The following DYNC2H1 variants were observed in gnomAD, a reference collection of about 807,000 sequenced individuals.
DYNC2H1 encodes the protein cytoplasmic dynein 2 heavy chain 1.
DYNC2H1 carries 410 observed loss-of-function variants against 570.0 expected under a neutral mutation model. The observed-to-expected ratio is 0.72, with a 90% CI of 0.66 to 0.78. The LOEUF is 0.78. Ranked by LOEUF, DYNC2H1 falls within the 30% of genes least tolerant of loss-of-function variation. The pLI is 0.00. For synonymous variants in DYNC2H1, 1,688 were observed against 1,677.6 expected, an observed-to-expected ratio of 1.01 and a Z score of -0.15; for missense variants, 4,865 against 5,046.4, an observed-to-expected ratio of 0.96 and a Z score of 1.09.
intron 19 of DYNC2H1, among the ~76,000 whole-genome samples, chr11:103,148,164 A>G (rs981123665): frequency 3.9e-5 from 6 of 152,168 alleles, no homozygotes; most frequent in Non-Finnish European, 7.4e-5. Flanking sequence ...ATGACAAAGT[A>G]TTTTTCAAAA....
Position 103,446,678 on chromosome 11 carries a change from G to A in DYNC2H1, c.12457-8508G>A, listed in dbSNP as rs1157694730. Among the ~76,000 whole-genome samples, 1 of 152,006 alleles carries A rather than the reference G, an allele frequency of 6.6e-6. No homozygotes were observed. Among genetic ancestry groups the A allele is most frequent in the East Asian group, 1.9e-4 (1 of 5,180 alleles). On this transcript the variant is annotated intron_variant, in intron 85 of 88. Coordinates refer to ENST00000375735, the MANE Select transcript of DYNC2H1 (RefSeq NM_001377.3). This position sits in a 1 kb window ranked among gnomAD's most constrained non-coding sequence, Gnocchi z 4.5. ...AAAGGAATTTTTTTGGTTTGGTTTT[G>A]TTTTTTAATATAGGGGATTTTTGAC...
At chr11:103,312,167 G>A in intron 79 of DYNC2H1, 134 bp downstream of exon 79, 2 of 861,142 alleles carry the variant, frequency 2.3e-6, no homozygotes, top group African/African-American at 3.5e-5. Context: ...GATCACCTGA[G>A]GTCCGGAGTT....
intron 11 of DYNC2H1, among the ~76,000 whole-genome samples, chr11:103,124,141 T>A (rs1489733724): frequency 6.6e-6 from 1 of 152,028 alleles, no homozygotes; most frequent in African/African-American, 2.4e-5. Flanking sequence ...TTCTTAATTG[T>A]GAGGGTGATT....
Position 103,264,747 on chromosome 11 carries a change from A to G in DYNC2H1, c.10695+4770A>G, listed in dbSNP as rs1865442682. Among the ~76,000 whole-genome samples, 1 of 152,192 alleles carries G rather than the reference A, an allele frequency of 6.6e-6. No individual in the cohort carries two copies. The highest frequency in any genetic ancestry group is 1.5e-5 in the Non-Finnish European group (1 of 68,028). ...ACAGCCAATGTCATACCGAATGTGAATCAATATCAGTATCATACTGAATGG... is the reference window on the plus strand; with the variant it reads ...ACAGCCAATGTCATACCGAATGTGAGTCAATATCAGTATCATACTGAATGG... On this transcript the variant is annotated intron_variant, in intron 70 of 88. Transcript: ENST00000375735. This position sits in a 1 kb window ranked among gnomAD's most constrained non-coding sequence, Gnocchi z 4.8.
chr11:103,177,604 G>A lies in DYNC2H1; in HGVS notation c.5923G>A (p.Val1975Ile), dbSNP rs368430971. 1.2e-6 allele frequency: 2 copies of A among 1,613,174 alleles called. No homozygotes were observed. The highest frequency in any genetic ancestry group is 1.3e-5 in the African/African-American group (1 of 74,878). Reference sequence around the variant, plus strand: ...TGAACAGTTATGCCAGAGGATGGGAGTTGTTATTGTTGGTCCAAGTGGTGC... The same window carrying A: ...TGAACAGTTATGCCAGAGGATGGGAATTGTTATTGTTGGTCCAAGTGGTGC... Reference protein sequence around the residue: ...LYEQLCQRMGVVIVGPSGAGK... With the variant: ...LYEQLCQRMGIVIVGPSGAGK... Residue 1975 changes from valine (V) to isoleucine (I), a missense_variant, in exon 38 of 89, where the codon GTT (valine) becomes ATT (isoleucine). Transcript: ENST00000375735. This position sits in a 1 kb window ranked among gnomAD's most constrained non-coding sequence, Gnocchi z 4.4.
intron 87 of DYNC2H1, 176 bp from the exon 88 acceptor site, chr11:103,468,413 A>G: frequency 2.2e-6 from 1 of 455,500 alleles, no homozygotes; most frequent in Non-Finnish European, 3.9e-6. Context: ...AGAAGTTGAC[A>G]GTGAACACTA....
chr11:103,392,164 G>T (rs908815700), intron 83 of DYNC2H1, among the ~76,000 whole-genome samples: 2 of 152,194 alleles, frequency 1.3e-5, no homozygotes, highest in Admixed American at 1.3e-4. Context: ...CGAGCTTCCC[G>T]GCCACTTTGT....
chr11:103,133,745 ATAT>A lies in DYNC2H1; in HGVS notation c.2106+43_2106+45del. On this transcript the variant is annotated intron_variant, in intron 14 of 88. Coordinates refer to ENST00000375735, the MANE Select transcript of DYNC2H1 (RefSeq NM_001377.3). The surrounding 1 kb of genome is among the most constrained non-coding windows in gnomAD (Gnocchi z 4.8). ...TATAAAATTGAATAAGCTATGAATG[ATAT>A]TATTTAAAAAGTCATTAAGATACAA... 19 of 1,505,752 alleles carry A rather than the reference ATAT, an allele frequency of 1.3e-5. No individual in the cohort carries two copies. Among genetic ancestry groups the A allele is most frequent in the Non-Finnish European group, 1.5e-5 (17 of 1,123,554 alleles). 93.3% of individuals were successfully genotyped at this position (1,505,752 alleles called of 1,614,324 possible).
intron 78 of DYNC2H1, among the ~76,000 whole-genome samples, chr11:103,308,368 G>A (rs534353513): frequency 5.1e-4 from 78 of 152,238 alleles, no homozygotes; most frequent in African/African-American, 1.8e-3. Context: ...ATATTTCATT[G>A]TATGTATATA....
chr11:103,370,867 G>A (rs1941117040), intron 83 of DYNC2H1, among the ~76,000 whole-genome samples: 1 of 152,072 alleles, frequency 6.6e-6, no homozygotes, highest in African/African-American at 2.4e-5. Context: ...ATCCCAGACT[G>A]AGAAAACTAC....
rs550435636 is a variant in DYNC2H1, at chr11:103,276,734, A to T, written c.10696-3614A>T. Among the ~76,000 whole-genome samples, 18 of 152,086 alleles carry T rather than the reference A, an allele frequency of 1.2e-4. 1 individual carries two copies. In the South Asian group the frequency reaches 3.7e-3, roughly 32 times the overall value. ...ATTATGCTGTATATATTTTGTTTTG[A>T]TTATTATTTATGATAGACTTTTGGA... On this transcript the variant is annotated intron_variant, in intron 70 of 88. Transcript: ENST00000375735.
intron 88 of DYNC2H1, among the ~76,000 whole-genome samples, chr11:103,477,958 A>G (rs1306736264): frequency 6.6e-6 from 1 of 152,120 alleles, no homozygotes; most frequent in Non-Finnish European, 1.5e-5. Context: ...GGCAGGAAAT[A>G]TAAAAGATGA....
In DYNC2H1 at chr11:103,209,268, TC is replaced by T. The variant is rs1303752462; in HGVS notation, c.8455-607del. On this transcript the variant is annotated intron_variant, in intron 52 of 88. Transcript: ENST00000375735. This position sits in a 1 kb window ranked among gnomAD's most constrained non-coding sequence, Gnocchi z 4.2. ...TCAAAATTGTTACTTTAATTTTTTT[TC>T]AGGACACTAAACTTTCTTTTGTATA... 6.6e-6 allele frequency among the ~76,000 whole-genome samples: 1 copy of T among 152,078 alleles called. No individual in the cohort carries two copies. Among genetic ancestry groups the T allele is most frequent in the Non-Finnish European group, 1.5e-5 (1 of 67,956 alleles).
At position 103,203,871 on chromosome 11, in the gene DYNC2H1, A is replaced by G. The variant is rs140674636; in HGVS notation, c.8311+95A>G. The G allele has an allele frequency of 1.0e-4, 85 of 816,824 alleles. 1 individual carries two copies. The East Asian group carries it at 2.3e-3, about 22-fold the overall frequency. 50.6% of individuals were successfully genotyped at this position (816,824 alleles called of 1,614,324 possible). A position where few individuals can be genotyped will look rare whatever the true frequency, so the allele number is the denominator to read the frequency against. On this transcript the variant is annotated intron_variant, in intron 51 of 88. Transcript: ENST00000375735. The surrounding 1 kb of genome is among the most constrained non-coding windows in gnomAD (Gnocchi z 4.7). ...TATTTTGTCATTAGATTGCAAAGGT[A>G]TCTTAAATCTTTTTTCTGGAGCTTT...
intron 30 of DYNC2H1, among the ~76,000 whole-genome samples, chr11:103,165,408 C>T (rs1337802265): frequency 1.3e-5 from 2 of 152,142 alleles, no homozygotes; most frequent in Non-Finnish European, 2.9e-5. Flanking sequence ...GGATTACAGG[C>T]GTGAGCCACC....
intron 12 of DYNC2H1, among the ~76,000 whole-genome samples, chr11:103,127,530 T>C (rs1166009892): frequency 6.6e-6 from 1 of 152,198 alleles, no homozygotes; most frequent in Non-Finnish European, 1.5e-5. Context: ...CATGTATTAG[T>C]GGAAAGAAGA....
chr11:103,402,235 G>A (rs1378783660), intron 84 of DYNC2H1: 1 of 152,156 alleles, frequency 6.6e-6, no homozygotes, highest in Non-Finnish European at 1.5e-5. Context: ...AATGCCTGTT[G>A]AGGGTCAACG....
chr11:103,178,939 A>T, intron 38 of DYNC2H1, 87 bp from the exon 39 acceptor site: 1 of 1,300,634 alleles, frequency 7.7e-7, no homozygotes, highest in Non-Finnish European at 1.0e-6. Flanking sequence ...ATTCATATGA[A>T]AATTAAGAAT....
At chr11:103,191,707 C>T (rs1047563075) in intron 46 of DYNC2H1, 88 bp downstream of exon 46, 13 of 547,810 alleles carry the variant, frequency 2.4e-5, no homozygotes, top group Admixed American at 4.2e-5. Context: ...AAGTTAAATG[C>T]GTATTATATC....
Sources: gnomAD v4.1 joint callset for allele counts (sites outside exome capture counted in the v4.1 genomes callset) on GRCh38, gnomAD v4.1.1 for gene constraint, Gnocchi (gnomAD v3.1) non-coding constraint, MANE v1.5 for transcripts, NCBI Gene and HGNC (gene_info 2026-07-23, HGNC 2026-07-21) for gene names.